MAF: variants seen among roughly 807,000 people sequenced by gnomAD.
MAF encodes the protein MAF bZIP transcription factor.
Under a neutral mutation model 22.0 loss-of-function variants are expected in MAF, and 10 were observed. That is an observed-to-expected ratio of 0.45 (90% CI 0.28 to 0.77). MAF has a LOEUF of 0.77. Among genes scored for constraint, MAF ranks in the 30% least tolerant of loss-of-function variants. The pLI is 0.12. For missense variants in MAF, 544 were observed against 548.4 expected (o/e 0.99, Z 0.08); for synonymous variants, 337 against 255.8 (o/e 1.32, Z -3.03).
At chr16:79,596,910 C>G (rs187711542) in intron 1 of MAF, 1 of 1,049,126 alleles carries the variant, frequency 9.5e-7, no homozygotes, top group East Asian at 5.6e-5. Flanking sequence ...TATATGCTTG[C>G]AGGTTATATC....
chr16:79,247,652 C>T, the MAF span, among the ~76,000 whole-genome samples: 1 of 152,166 alleles, frequency 6.6e-6, no homozygotes, highest in African/African-American at 2.4e-5. Flanking sequence ...GCCGGTCTTA[C>T]CACTGTCAAC....
At chr16:79,259,553 T>G in the MAF span, among the ~76,000 whole-genome samples, 4 of 152,298 alleles carry the variant, frequency 2.6e-5, no homozygotes, top group African/African-American at 9.6e-5. Flanking sequence ...GCTAAGAATA[T>G]GCAGGGCACG....
chr16:79,245,527 G>C, the MAF span, among the ~76,000 whole-genome samples: 1 of 152,066 alleles, frequency 6.6e-6, no homozygotes, highest in African/African-American at 2.4e-5. Context: ...ACACCAGTTA[G>C]AATGGCGATC....
At chr16:79,456,898 A>G in the MAF span, among the ~76,000 whole-genome samples, 1 of 152,110 alleles carries the variant, frequency 6.6e-6, no homozygotes, top group African/African-American at 2.4e-5. Context: ...GAAGCATTAA[A>G]TACATTTGTT....
chr16:79,214,996 T>C, the MAF span, among the ~76,000 whole-genome samples: 3 of 152,040 alleles, frequency 2.0e-5, no homozygotes, highest in East Asian at 3.9e-4. Context: ...AGGTGTGAGC[T>C]ACCATGCTTG....
chr16:79,567,417 CA>C, the MAF span, among the ~76,000 whole-genome samples: 17 of 152,294 alleles, frequency 1.1e-4, no homozygotes, highest in East Asian at 2.7e-3. Flanking sequence ...CAGATACATC[CA>C]CATACTGTCA....
At chr16:79,392,002 G>A in the MAF span, among the ~76,000 whole-genome samples, 1 of 150,028 alleles carries the variant, frequency 6.7e-6, no homozygotes, top group South Asian at 2.1e-4. Context: ...GAAGGAGGGA[G>A]AGACAGAGTA....
chr16:79,562,045 G>C, the MAF span, among the ~76,000 whole-genome samples: 27 of 152,154 alleles, frequency 1.8e-4, no homozygotes, highest in African/African-American at 6.3e-4. Context: ...ATTACCTCTT[G>C]TTGGTCTTCA....
chr16:79,273,949 C>CTTTTT, the MAF span, among the ~76,000 whole-genome samples: 35 of 86,454 alleles, frequency 4.0e-4, 1 homozygote, highest in East Asian at 7.9e-3. Flanking sequence ...TCGTGTCTGC[C>CTTTTT]TTTTTTTTTT....
chr16:79,245,912 A>G, the MAF span, among the ~76,000 whole-genome samples: 1 of 152,088 alleles, frequency 6.6e-6, no homozygotes, highest in Non-Finnish European at 1.5e-5. Context: ...CTGCAGGGAC[A>G]TGGATGAAGC....
At chr16:79,386,588 C>T in the MAF span, among the ~76,000 whole-genome samples, 2 of 152,132 alleles carry the variant, frequency 1.3e-5, no homozygotes, top group Non-Finnish European at 2.9e-5. Context: ...CAGCCCATGG[C>T]CCGGTGGATG....
chr16:79,598,019 A>AT (rs34194845), intron 1 of MAF: 498,426 of 1,037,234 alleles, frequency 0.48, 122,561 homozygotes, highest in East Asian at 0.56. Context: ...GTTCATGAGG[A>AT]TTTTTTTCTC....
chr16:79,526,346 C>T, the MAF span, among the ~76,000 whole-genome samples: 2 of 152,112 alleles, frequency 1.3e-5, no homozygotes, highest in African/African-American at 4.8e-5. Context: ...TAATAGGGTT[C>T]GTGCACCTAT....
At chr16:79,424,427 G>C in the MAF span, among the ~76,000 whole-genome samples, 1 of 152,156 alleles carries the variant, frequency 6.6e-6, no homozygotes, top group Non-Finnish European at 1.5e-5. Context: ...GTTGCATTAT[G>C]GCTTCTGCGG....
At chr16:79,354,831 T>C in the MAF span, among the ~76,000 whole-genome samples, 2 of 152,160 alleles carry the variant, frequency 1.3e-5, no homozygotes, top group Non-Finnish European at 2.9e-5. Flanking sequence ...AATTGAATTC[T>C]AGTGAACACA....
At chr16:79,443,442 T>C in the MAF span, among the ~76,000 whole-genome samples, 1 of 152,216 alleles carries the variant, frequency 6.6e-6, no homozygotes, top group African/African-American at 2.4e-5. Context: ...GACAGTCTGG[T>C]TGGATGGCCC....
chr16:79,374,225 T>C, the MAF span, among the ~76,000 whole-genome samples: 3 of 152,340 alleles, frequency 2.0e-5, no homozygotes, highest in East Asian at 3.9e-4. Context: ...TCAATTATTA[T>C]CATATCTTTC....
At chr16:79,324,156 A>G in the MAF span, among the ~76,000 whole-genome samples, 2 of 152,216 alleles carry the variant, frequency 1.3e-5, no homozygotes, top group Non-Finnish European at 2.9e-5. Context: ...GTGTGCCTCA[A>G]TGTTCCCATC....
chr16:79,233,197 C>G, the MAF span, among the ~76,000 whole-genome samples: 2,749 of 152,072 alleles, frequency 0.018, 54 homozygotes, highest in Non-Finnish European at 0.024. Context: ...GAAGAAGGAT[C>G]TTGACTAACT....
Sources: allele counts gnomAD v4.1 joint callset (sites outside exome capture counted in the v4.1 genomes callset), GRCh38; gene constraint gnomAD v4.1.1; transcripts MANE v1.5; gene names NCBI Gene and HGNC (gene_info 2026-07-23, HGNC 2026-07-21).